Variants in KCTD13 observed in about 807,000 individuals in gnomAD.
The protein encoded by KCTD13 is potassium channel tetramerization domain containing 13.
Under a neutral mutation model 32.3 loss-of-function variants are expected in KCTD13, and 15 were observed. That is an observed-to-expected ratio of 0.46 (90% CI 0.31 to 0.71). The LOEUF (loss-of-function observed/expected upper bound fraction) is 0.71, where lower values mean the gene tolerates loss of function less well. Among genes scored for constraint, KCTD13 ranks in the 30% least tolerant of loss-of-function variants. KCTD13 has a pLI of 0.05. For synonymous variants in KCTD13, 189 were observed against 200.1 expected (o/e 0.94, Z 0.47); for missense variants, 337 against 452.6 (o/e 0.74, Z 2.32).
intron 2 of KCTD13, chr16:29,913,451 C>T (rs1046531367): frequency 1.3e-5 from 2 of 152,178 alleles, no homozygotes; most frequent in Admixed American, 6.5e-5. Flanking sequence ...AGGGGAATTA[C>T]GGAGTATGAA....
At position 29,907,025 on chromosome 16, in the gene KCTD13, G is replaced by A. The variant is rs761126517; in HGVS notation, c.837C>T (p.Leu279=). 1 of 1,614,170 alleles carries A rather than the reference G, an allele frequency of 6.2e-7. No individual in the cohort carries two copies. Among genetic ancestry groups the A allele is most frequent in the Non-Finnish European group, 8.5e-7 (1 of 1,180,018 alleles). The change falls in exon 6 of 6, where the codon CTC becomes CTT. Residue 279 remains leucine, a synonymous_variant. Coordinates refer to ENST00000568000, the MANE Select transcript of KCTD13 (RefSeq NM_178863.5). ...YETPRGPDPA[L]LEATGGAAGA... Reference sequence around the variant, plus strand: ...CAGCTGCTCCCCCTGTGGCCTCCAGGAGGGCTGGGTCTGGGCCCCGGGGAG... The same window carrying A: ...CAGCTGCTCCCCCTGTGGCCTCCAGAAGGGCTGGGTCTGGGCCCCGGGGAG...
chr16:29,906,560 C>A lies in KCTD13; in HGVS notation c.*312G>T. 1 of 512,292 alleles carries A rather than the reference C, an allele frequency of 2.0e-6. No homozygotes were observed. The highest frequency in any genetic ancestry group is 3.8e-6 in the Non-Finnish European group (1 of 263,444). The allele number at this position is 512,292 out of a possible 1,614,324, so 31.7% of individuals were successfully genotyped here. A position where few individuals can be genotyped will look rare whatever the true frequency, so the allele number is the denominator to read the frequency against. On this transcript the variant is annotated 3_prime_UTR_variant, in exon 6 of 6. Coordinates refer to ENST00000568000, the MANE Select transcript of KCTD13 (RefSeq NM_178863.5). ...GAAGGGCCGCACACTTTGGCATGGA[C>A]GATGCACTAAAAAAAGAGAAAGGGA...
At chr16:29,911,731 G>T in intron 4 of KCTD13, 84 bp downstream of exon 4, 1 of 1,458,618 alleles carries the variant, frequency 6.9e-7, no homozygotes, top group East Asian at 2.3e-5. Context: ...GGCCCCCCGT[G>T]TGGCCGTGGC....
chr16:29,911,023 C>T lies in KCTD13; in HGVS notation c.708G>A (p.Val236=), dbSNP rs773810072. ...FYGQGRKIAE[V]CCTSIVYATE... ...TAGCATAGACAATGGAGGTGCAGCACACCTCGGCGATTTTGCGGCCCTGCC... is the reference window on the plus strand; with the variant it reads ...TAGCATAGACAATGGAGGTGCAGCATACCTCGGCGATTTTGCGGCCCTGCC... Residue 236 remains valine (V), a synonymous_variant, in exon 5 of 6, where the codon GTG becomes GTA. Coordinates refer to ENST00000568000, the MANE Select transcript of KCTD13 (RefSeq NM_178863.5). 10 of 1,614,048 alleles carry T rather than the reference C, an allele frequency of 6.2e-6. No individual in the cohort carries two copies. The South Asian group carries it at 1.1e-4, about 18-fold the overall frequency.
chr16:29,912,477 G>A, intron 2 of KCTD13: 1 of 217,684 alleles, frequency 4.6e-6, no homozygotes, highest in Non-Finnish European at 9.1e-6. Flanking sequence ...AGTTTCGCTT[G>A]TTGCCCAGGC....
At chr16:29,922,895 T>C (rs1240599811) in intron 2 of KCTD13, 1 of 448,856 alleles carries the variant, frequency 2.2e-6, no homozygotes, top group Non-Finnish European at 3.9e-6. Context: ...TAGATCGGGG[T>C]TGTGCTGAAA....
chr16:29,922,887 G>A (rs537229031), intron 2 of KCTD13: 18 of 444,780 alleles, frequency 4.0e-5, no homozygotes, highest in South Asian at 1.4e-4. Context: ...AGAGAGAATA[G>A]ATCGGGGTTG....
chr16:29,922,277 T>C lies in KCTD13; in HGVS notation c.414+913A>G, dbSNP rs536889955. On this transcript the variant is annotated intron_variant, in intron 2 of 5. Coordinates refer to ENST00000568000, the MANE Select transcript of KCTD13 (RefSeq NM_178863.5). ...TTTGGGCTTCAAGAACCAGTAAGTA[T>C]TCCCTGAGACAAAAGTTGTTCAGGG... The C allele has an allele frequency of 1.2e-4, 18 of 152,264 alleles. No individual in the cohort carries two copies. In the South Asian group the frequency reaches 3.7e-3, roughly 32 times the overall value. The allele number at this position is 152,264 out of a possible 1,614,324, so 9.4% of individuals were successfully genotyped here. A position where few individuals can be genotyped will look rare whatever the true frequency, so the allele number is the denominator to read the frequency against.
At chr16:29,923,414 C>T in intron 1 of KCTD13, 55 bp from the exon 2 acceptor site, 1 of 1,523,648 alleles carries the variant, frequency 6.6e-7, no homozygotes, top group South Asian at 1.2e-5. Flanking sequence ...GGACCTGGAG[C>T]TACTAAATTA....
At position 29,911,158 on chromosome 16, in the gene KCTD13, G is replaced by A. The variant is rs760379264; in HGVS notation, c.573C>T (p.Asn191=). The change falls in exon 5 of 6, where the codon AAC becomes AAT. Residue 191 remains asparagine (N), a synonymous_variant. Coordinates refer to ENST00000568000, the MANE Select transcript of KCTD13 (RefSeq NM_178863.5). The part of the protein sequence containing the change: ...KYSYTSTSDD[N]LLKNIELFDK... The stretch of plus-strand genomic sequence containing the variant: ...CGAACAGCTCGATGTTCTTAAGTAG[G>A]TTGTCATCTGAAGTGCTGGGGACCA... The A allele has an allele frequency of 1.2e-6, 2 of 1,614,016 alleles. No homozygotes were observed. Among genetic ancestry groups the A allele is most frequent in the Non-Finnish European group, 8.5e-7 (1 of 1,179,954 alleles).
intron 1 of KCTD13, among the ~76,000 whole-genome samples, chr16:29,924,437 TCAC>T (rs1395809171): frequency 6.6e-6 from 1 of 152,198 alleles, no homozygotes; most frequent in African/African-American, 2.4e-5. Flanking sequence ...AAGTTAATTC[TCAC>T]CATCCTATTT....
intron 4 of KCTD13, 178 bp downstream of exon 4, chr16:29,911,637 A>G (rs1184758919): frequency 3.2e-6 from 2 of 628,996 alleles, no homozygotes; most frequent in East Asian, 5.5e-5. Context: ...ACTGAGCTGA[A>G]GCTGAGAAGC....
chr16:29,911,907 CA>C (rs760506764), intron 3 of KCTD13, 40 bp from the exon 4 acceptor site: 8 of 1,609,558 alleles, frequency 5.0e-6, no homozygotes, highest in Non-Finnish European at 6.8e-6. Flanking sequence ...GGTGAGGCTG[CA>C]GGGAGAGGCC....
chr16:29,923,384 G>T, intron 1 of KCTD13, 25 bp from the exon 2 acceptor site: 1 of 1,606,078 alleles, frequency 6.2e-7, no homozygotes. Flanking sequence ...AGAGGCAGGG[G>T]GAAAGATGGC....
chr16:29,922,802 G>A (rs1012253942), intron 2 of KCTD13: 1 of 403,028 alleles, frequency 2.5e-6, no homozygotes, highest in African/African-American at 2.1e-5. Flanking sequence ...GATCGCAGAG[G>A]TTATTATATT....
intron 1 of KCTD13, among the ~76,000 whole-genome samples, chr16:29,924,321 T>C (rs577619180): frequency 4.3e-4 from 65 of 152,320 alleles, no homozygotes; most frequent in African/African-American, 1.5e-3. Context: ...TTTTTATACA[T>C]ATTCAACCAG....
At chr16:29,925,525 G>T in intron 1 of KCTD13, 1 of 539,716 alleles carries the variant, frequency 1.9e-6, no homozygotes, top group Non-Finnish European at 3.4e-6. Flanking sequence ...GAACTGACAC[G>T]TTCAATCACT....
At chr16:29,912,381 G>A in intron 2 of KCTD13, 1 of 414,774 alleles carries the variant, frequency 2.4e-6, no homozygotes, top group Non-Finnish European at 4.3e-6. Context: ...CTCAGGGCCA[G>A]CCCTCCCCAG....
intron 1 of KCTD13, 41 bp downstream of exon 1, chr16:29,925,748 TG>T: frequency 7.5e-7 from 1 of 1,327,958 alleles, no homozygotes; most frequent in Non-Finnish European, 9.9e-7. Context: ...GAACGGGAGT[TG>T]GGGGTCTGGG....
Sources: gnomAD v4.1 joint callset for allele counts (sites outside exome capture counted in the v4.1 genomes callset) on GRCh38, gnomAD v4.1.1 for gene constraint, MANE v1.5 for transcripts, NCBI Gene and HGNC (gene_info 2026-07-23, HGNC 2026-07-21) for gene names.